Variants in C19orf47 observed in about 807,000 individuals in gnomAD.
The protein encoded by C19orf47 is uncharacterized protein C19orf47.
Under a neutral mutation model 32.3 loss-of-function variants are expected in C19orf47, and 18 were observed. The observed-to-expected ratio is 0.56, with a 90% confidence interval of 0.39 to 0.83. C19orf47 has a LOEUF of 0.83. Among genes scored for constraint, C19orf47 ranks in the 40% least tolerant of loss-of-function variants. The pLI is 0.00. For synonymous variants in C19orf47, 202 were observed against 211.1 expected (o/e 0.96, Z 0.37); for missense variants, 484 against 531.6 (o/e 0.91, Z 0.88).
chr19:40,297,777 G>C, the C19orf47 span, among the ~76,000 whole-genome samples: 2 of 151,854 alleles, frequency 1.3e-5, no homozygotes, highest in Non-Finnish European at 1.5e-5. Flanking sequence ...AGAAGGCTGA[G>C]GCAGGAGAAT....
the C19orf47 span, among the ~76,000 whole-genome samples, chr19:40,306,406 T>C: frequency 1.4e-5 from 2 of 145,360 alleles, no homozygotes; most frequent in African/African-American, 5.0e-5. Context: ...CTCTTGTTAC[T>C]TTTTTTTTTT....
chr19:40,339,809 T>C (rs889893666), intron 2 of C19orf47, among the ~76,000 whole-genome samples: 2 of 151,726 alleles, frequency 1.3e-5, no homozygotes, highest in African/African-American at 4.8e-5. Flanking sequence ...CCATCTCTAC[T>C]AAAAATACAA....
chr19:40,306,046 G>A, the C19orf47 span, among the ~76,000 whole-genome samples: 1 of 150,270 alleles, frequency 6.7e-6, no homozygotes, highest in African/African-American at 2.5e-5. Flanking sequence ...AGCTACTGGG[G>A]AAGCTGAGGC....
chr19:40,301,907 C>T, the C19orf47 span, among the ~76,000 whole-genome samples: 1 of 151,394 alleles, frequency 6.6e-6, no homozygotes, highest in Non-Finnish European at 1.5e-5. Flanking sequence ...TGCCTGTAAT[C>T]CGAGCACTTT....
At chr19:40,298,583 T>A in the C19orf47 span, among the ~76,000 whole-genome samples, 1 of 152,202 alleles carries the variant, frequency 6.6e-6, no homozygotes, top group African/African-American at 2.4e-5. Flanking sequence ...GAAAACACGT[T>A]TCTAGAAATT....
At position 40,322,362 on chromosome 19, in the gene C19orf47, GA is replaced by G; in HGVS notation, c.677del (p.Phe226SerfsTer33). On this transcript the variant is annotated frameshift_variant, in exon 9 of 9. Transcript: ENST00000683109. LOFTEE classifies it high-confidence loss of function. ...TTTGSKPTGV[F>X]SRLGATPETD... ...TTTCTGGGGTGGCCCCCAGGCGGCT[GA>G]AGACTCCTGTGGGCTGTGGAGGTCA... 1 of 1,590,576 alleles carries G rather than the reference GA, an allele frequency of 6.3e-7. No homozygotes were observed. The highest frequency in any genetic ancestry group is 8.6e-7 in the Non-Finnish European group (1 of 1,165,660).
At chr19:40,317,530 C>G (rs2077670356), downstream of C19orf47, among the ~76,000 whole-genome samples, 1 of 151,964 alleles carries the variant, frequency 6.6e-6, no homozygotes, top group African/African-American at 2.4e-5. Context: ...ACTGCCAAGT[C>G]AAATGTATAA....
At chr19:40,345,143 A>G (rs2078247795) in intron 1 of C19orf47, among the ~76,000 whole-genome samples, 1 of 152,160 alleles carries the variant, frequency 6.6e-6, no homozygotes, top group Non-Finnish European at 1.5e-5. Flanking sequence ...TTCTCCCCCA[A>G]GTGCTACAGA....
chr19:40,313,252 G>A, the C19orf47 span, among the ~76,000 whole-genome samples: 1 of 152,130 alleles, frequency 6.6e-6, no homozygotes, highest in Non-Finnish European at 1.5e-5. Flanking sequence ...ATCCTTTTAA[G>A]GACTGGAATT....
chr19:40,317,504 G>C (rs1052283910), downstream of C19orf47, among the ~76,000 whole-genome samples: 1 of 152,098 alleles, frequency 6.6e-6, no homozygotes, highest in African/African-American at 2.4e-5. Context: ...ATGGCTGTTG[G>C]GGCGGGCTCG....
rs1181266135 is a variant in C19orf47 at position 40,321,307 on chromosome 19, C to T, written c.*575G>A. The T allele has an allele frequency of 4.1e-5, 40 of 986,208 alleles. No homozygotes were observed. Among genetic ancestry groups the T allele is most frequent in the Admixed American group, 6.1e-5 (1 of 16,262 alleles). The allele number at this position is 986,208 out of a possible 1,614,324, so 61.1% of individuals were successfully genotyped here. A position where few individuals can be genotyped will look rare whatever the true frequency, so the allele number is the denominator to read the frequency against. On this transcript the variant is annotated 3_prime_UTR_variant, in exon 9 of 9. Coordinates refer to ENST00000683109, the MANE Select transcript of C19orf47 (RefSeq NM_001256441.2). ...GCCGACGAGGGGGCCGCTGGGAGGC[C>T]GGAGGTACAGGAGGGTCGGGCAGGA... is the stretch of plus-strand genomic sequence containing the variant.
chr19:40,336,484 G>T, intron 2 of C19orf47, 77 bp from the exon 3 acceptor site: 1 of 1,306,618 alleles, frequency 7.7e-7, no homozygotes, highest in Non-Finnish European at 1.1e-6. Flanking sequence ...AATCACAGCA[G>T]CTCCCACAAA....
chr19:40,303,803 G>GAAAA, the C19orf47 span, among the ~76,000 whole-genome samples: 1 of 45,336 alleles, frequency 2.2e-5, no homozygotes, highest in East Asian at 7.6e-4. Context: ...GACTTTGTCT[G>GAAAA]AAAAAAAAAA....
intron 8 of C19orf47, among the ~76,000 whole-genome samples, chr19:40,323,779 G>T (rs1009902977): frequency 2.0e-5 from 3 of 152,158 alleles, no homozygotes; most frequent in Non-Finnish European, 4.4e-5. Flanking sequence ...GACATGGTGG[G>T]TGGGAGGCAT....
chr19:40,304,564 G>A, the C19orf47 span, among the ~76,000 whole-genome samples: 2 of 151,940 alleles, frequency 1.3e-5, no homozygotes, highest in African/African-American at 4.8e-5. Flanking sequence ...CTTCCTCCCT[G>A]CACCCTCCCA....
chr19:40,337,926 G>T (rs1403547123), intron 2 of C19orf47, among the ~76,000 whole-genome samples: 1 of 152,098 alleles, frequency 6.6e-6, no homozygotes, highest in Admixed American at 6.6e-5. Flanking sequence ...TAGGGCCCTG[G>T]GTCCCACTGA....
At position 40,321,593 on chromosome 19, in the gene C19orf47, G is replaced by A; in HGVS notation, c.*289C>T. ...ATGTAGGAGAGGAAGAAGCCCCCTG[G>A]CACTTGGGAGAGGTAGAAAAGTGGG... On this transcript the variant is annotated 3_prime_UTR_variant, in exon 9 of 9. Transcript: ENST00000683109. 1 of 1,196,060 alleles carries A rather than the reference G, an allele frequency of 8.4e-7. No individual in the cohort carries two copies. The highest frequency in any genetic ancestry group is 1.0e-6 in the Non-Finnish European group (1 of 961,506). 74.1% of individuals were successfully genotyped at this position (1,196,060 alleles called of 1,614,324 possible). A position where few individuals can be genotyped will look rare whatever the true frequency, so the allele number is the denominator to read the frequency against.
the C19orf47 span, among the ~76,000 whole-genome samples, chr19:40,309,915 G>A: frequency 6.6e-6 from 1 of 152,122 alleles, no homozygotes; most frequent in Non-Finnish European, 1.5e-5. Flanking sequence ...ATATACTGCT[G>A]GTGGAAATGT....
the C19orf47 span, among the ~76,000 whole-genome samples, chr19:40,311,831 A>G: frequency 4.6e-5 from 7 of 152,098 alleles, no homozygotes; most frequent in African/African-American, 1.7e-4. Context: ...ACATTTTTGT[A>G]TTTTTAGTAG....
Sources: gnomAD v4.1 joint callset for allele counts (sites outside exome capture counted in the v4.1 genomes callset) on GRCh38, gnomAD v4.1.1 for gene constraint, MANE v1.5 for transcripts, NCBI Gene and HGNC (gene_info 2026-07-23, HGNC 2026-07-21) for gene names.